Variants in MGAT4C observed in about 807,000 individuals in gnomAD.
MGAT4C encodes alpha-1,3-mannosyl-glycoprotein 4-beta-N-acetylglucosaminyltransferase C.
MGAT4C carries 19 observed loss-of-function variants against 40.1 expected under a neutral mutation model. That is an observed-to-expected ratio of 0.47 (90% CI 0.33 to 0.70). The LOEUF is 0.70. MGAT4C is among the 30% of genes least tolerant of loss of function. The pLI, the probability that MGAT4C is intolerant of heterozygous loss-of-function variation, is 0.02. For missense variants in MGAT4C, 491 were observed against 563.2 expected (o/e 0.87, Z 1.30); for synonymous variants, 181 against 187.1 (o/e 0.97, Z 0.27).
rs1051143561 is a variant in MGAT4C, at chr12:86,798,975, G to A, written c.-262+39691C>T. Among the ~76,000 whole-genome samples, 3 of 151,746 alleles carry A rather than the reference G, an allele frequency of 2.0e-5. No individual in the cohort carries two copies. In the Admixed American group the frequency reaches 2.0e-4, roughly 10 times the overall value. On this transcript the variant is annotated intron_variant, in intron 1 of 7. Coordinates refer to the MGAT4C transcript ENST00000548651. ...TAAACTGGGGCCACTTTATAGAAGG[G>A]ACCTTTGCTTAAATAATTTAATTTG...
chr12:86,326,469 G>A (rs987828385), intron 4 of MGAT4C, among the ~76,000 whole-genome samples: 1 of 151,352 alleles, frequency 6.6e-6, no homozygotes, highest in African/African-American at 2.4e-5. Flanking sequence ...CCTCAGTAAA[G>A]GTGAAAAAAG....
rs1440571096 is a variant in MGAT4C, at chr12:85,983,526, T to G, written c.292A>C (p.Lys98Gln). The G allele has an allele frequency of 1.9e-6, 3 of 1,552,622 alleles. No homozygotes were observed. Among genetic ancestry groups the G allele is most frequent in the Non-Finnish European group, 2.6e-6 (3 of 1,156,570 alleles). ...TTAAATGTTTAAGGATACTTACGCTTTCTTTGTAAAGGTGTGGCAGCTAGG... is the reference window on the plus strand; with the variant it reads ...TTAAATGTTTAAGGATACTTACGCTGTCTTTGTAAAGGTGTGGCAGCTAGG... ...RYLAATPLQRKRYLTIGLSSV... is the reference protein window; with the variant it reads ...RYLAATPLQRQRYLTIGLSSV... The change falls in exon 4 of 5, where the codon AAG (lysine) becomes CAG (glutamine). Residue 98 changes from lysine to glutamine, a missense_variant. By Grantham distance (53) the Lys-to-Gln change is moderately conservative. Coordinates refer to ENST00000611864, the MANE Select transcript of MGAT4C (RefSeq NM_001351288.2).
chr12:86,623,623 T>C lies in MGAT4C; in HGVS notation c.-229+103586A>G, dbSNP rs558561617. Among the ~76,000 whole-genome samples the C allele has an allele frequency of 3.0e-3, 451 of 152,252 alleles. 2 individuals carry two copies. Among genetic ancestry groups the C allele is most frequent in the African/African-American group, 0.01 (430 of 41,576 alleles). ...TCAAGTCAAAAATATCTTTCAAAAA[T>C]ACATATGGACATAAATGCTTCCACA... On this transcript the variant is annotated intron_variant, in intron 2 of 7. Transcript: ENST00000548651.
chr12:86,521,101 T>C (rs990673501), intron 2 of MGAT4C, among the ~76,000 whole-genome samples: 1 of 152,190 alleles, frequency 6.6e-6, no homozygotes, highest in Non-Finnish European at 1.5e-5. Flanking sequence ...ATTTTTGCTT[T>C]TGTTGCAATT....
chr12:86,678,786 T>C (rs1949917832), intron 2 of MGAT4C, among the ~76,000 whole-genome samples: 4 of 152,238 alleles, frequency 2.6e-5, no homozygotes, highest in African/African-American at 9.6e-5. Context: ...TGCATAGTAT[T>C]CCATGGTGTA....
At chr12:86,208,610 G>A (rs143317737) in intron 1 of MGAT4C, among the ~76,000 whole-genome samples, 1 of 152,250 alleles carries the variant, frequency 6.6e-6, no homozygotes, top group East Asian at 1.9e-4. Context: ...CAGCAGGGCT[G>A]GGTTGATACT....
intron 3 of MGAT4C, among the ~76,000 whole-genome samples, chr12:86,395,038 T>A (rs1480830908): frequency 1.3e-5 from 2 of 152,160 alleles, no homozygotes; most frequent in African/African-American, 4.8e-5. Context: ...AGAAACTATA[T>A]GTCTAAGAGC....
chr12:86,138,264 C>T (rs896501532), intron 1 of MGAT4C, among the ~76,000 whole-genome samples: 8 of 151,666 alleles, frequency 5.3e-5, no homozygotes, highest in African/African-American at 1.9e-4. Context: ...CTCTATACCC[C>T]CTCCTTAGGC....
At chr12:86,602,883 C>CGTGTGTGTGTGTGT (rs35262458) in intron 2 of MGAT4C, among the ~76,000 whole-genome samples, 7 of 147,572 alleles carry the variant, frequency 4.7e-5, no homozygotes, top group African/African-American at 1.2e-4. Context: ...TGCCCATCTG[C>CGTGTGTGTGTGTGT]GTGTGTGTGT....
intron 1 of MGAT4C, among the ~76,000 whole-genome samples, chr12:86,152,877 A>T (rs1224608708): frequency 6.6e-6 from 1 of 152,180 alleles, no homozygotes; most frequent in African/African-American, 2.4e-5. Flanking sequence ...TATAGAAATG[A>T]CTTCCAAAGT....
intron 2 of MGAT4C, among the ~76,000 whole-genome samples, chr12:86,692,077 C>A (rs1950182853): frequency 6.6e-6 from 1 of 151,752 alleles, no homozygotes; most frequent in Non-Finnish European, 1.5e-5. Flanking sequence ...TCAACAAAAG[C>A]ATGAAGAGAA....
chr12:85,989,386 C>A lies in MGAT4C; in HGVS notation c.147+14G>T, dbSNP rs1885619113. On this transcript the variant is annotated intron_variant, in intron 3 of 4. Transcript: ENST00000611864. ...CTTATTTTGAAGAAAAGACAATCAA[C>A]CTCCCAAACTTACCAGAACATAGCT... 1.3e-6 allele frequency: 2 copies of A among 1,554,994 alleles called. No homozygotes were observed. The highest frequency in any genetic ancestry group is 1.4e-5 in the African/African-American group (1 of 72,478).
chr12:86,021,939 T>A (rs61931107), intron 2 of MGAT4C, among the ~76,000 whole-genome samples: 13 of 152,108 alleles, frequency 8.5e-5, no homozygotes, highest in African/African-American at 3.1e-4. Flanking sequence ...ATAACAAATT[T>A]GGGTGGATTT....
At chr12:86,449,128 G>A (rs903330564) in intron 2 of MGAT4C, among the ~76,000 whole-genome samples, 5 of 152,116 alleles carry the variant, frequency 3.3e-5, no homozygotes, top group Non-Finnish European at 7.4e-5. Flanking sequence ...GCTACAAAAC[G>A]TTTAGGTGGT....
intron 1 of MGAT4C, among the ~76,000 whole-genome samples, chr12:86,099,393 G>C (rs1020660818): frequency 7.0e-6 from 1 of 143,140 alleles, no homozygotes; most frequent in Middle Eastern, 3.6e-3. Context: ...TTTGGGGGGG[G>C]GCAAAAGAAG....
chr12:85,983,612 T>A lies in MGAT4C; in HGVS notation c.206A>T (p.Tyr69Phe). ...TSTHQLNSERYVHTFKDLSNF... is the reference protein window; with the variant it reads ...TSTHQLNSERFVHTFKDLSNF... ...AGATAAATCCTTGAAAGTATGAACA[T>A]AGCGTTCTGAATTCAGTTGATGTGT... Residue 69 changes from tyrosine to phenylalanine, a missense_variant, in exon 4 of 5, where the codon TAT (tyrosine) becomes TTT (phenylalanine). Coordinates refer to ENST00000611864, the MANE Select transcript of MGAT4C (RefSeq NM_001351288.2). 6.3e-7 allele frequency: 1 copy of A among 1,596,734 alleles called. No individual in the cohort carries two copies. Among genetic ancestry groups the A allele is most frequent in the Non-Finnish European group, 8.5e-7 (1 of 1,171,766 alleles).
chr12:86,016,965 G>T (rs1889143790), intron 2 of MGAT4C, among the ~76,000 whole-genome samples: 1 of 151,854 alleles, frequency 6.6e-6, no homozygotes, highest in South Asian at 2.1e-4. Context: ...TGATGCCTCT[G>T]AAGCCTAATT....
chr12:86,007,064 C>A (rs61931067), intron 2 of MGAT4C, among the ~76,000 whole-genome samples: 10,778 of 152,034 alleles, frequency 0.071, 536 homozygotes, highest in Middle Eastern at 0.24. Flanking sequence ...ATAATTATGA[C>A]TAATATAAAG....
chr12:86,444,855 G>C (rs1957304226), intron 2 of MGAT4C, among the ~76,000 whole-genome samples: 1 of 152,206 alleles, frequency 6.6e-6, no homozygotes, highest in East Asian at 1.9e-4. Flanking sequence ...AACTCCCCAA[G>C]AGGAAAGATT....
Sources: allele counts gnomAD v4.1 joint callset (sites outside exome capture counted in the v4.1 genomes callset), GRCh38; gene constraint gnomAD v4.1.1; transcripts MANE v1.5; gene names NCBI Gene and HGNC (gene_info 2026-07-23, HGNC 2026-07-21).